Variants in TRAPPC9 observed in about 807,000 individuals in gnomAD.
TRAPPC9 encodes IKK2 binding protein.
A neutral mutation model predicts 124.0 loss-of-function variants in TRAPPC9; 83 were observed. The observed-to-expected ratio is 0.67, with a 90% CI of 0.56 to 0.80. The LOEUF (loss-of-function observed/expected upper bound fraction) is 0.80. Ranked by LOEUF, TRAPPC9 falls within the 30% of genes least tolerant of loss-of-function variation. The pLI is 0.00. For missense variants in TRAPPC9, 1,302 were observed against 1,508.3 expected (o/e 0.86, Z 2.27); for synonymous variants, 638 against 617.5 (o/e 1.03, Z -0.49).
chr8:140,360,120 C>T lies in TRAPPC9; in HGVS notation c.1425G>A (p.Gly475=), dbSNP rs1366500998. 1.9e-6 allele frequency: 3 copies of T among 1,614,078 alleles called. No individual in the cohort carries two copies. In the African/African-American group the frequency reaches 4.0e-5, roughly 22 times the overall value. The change falls in exon 9 of 23, where the codon GGG becomes GGA. Residue 475 remains glycine, a synonymous_variant. Transcript: ENST00000438773. ...GGTGTCTGACAGAGAGGGCAGGGTT[C>T]CCCATCCTTCGGGAGGCGTAGACCA... ...HELVYASRRM[G]NPALSVRHLS... is the part of the protein sequence containing the mutation.
intron 2 of TRAPPC9, among the ~76,000 whole-genome samples, chr8:140,439,587 G>A (rs1415768836): frequency 6.6e-6 from 1 of 152,144 alleles, no homozygotes; most frequent in Non-Finnish European, 1.5e-5. Context: ...TATAAAGACA[G>A]CTATGCTGAG....
intron 17 of TRAPPC9, among the ~76,000 whole-genome samples, chr8:140,185,084 T>C (rs917988362): frequency 6.6e-6 from 1 of 152,194 alleles, no homozygotes; most frequent in Admixed American, 6.5e-5. Context: ...TCCCACTATG[T>C]TCTCAGATTC....
intron 21 of TRAPPC9, among the ~76,000 whole-genome samples, chr8:139,848,823 A>G (rs1438236673): frequency 2.6e-5 from 4 of 151,666 alleles, no homozygotes; most frequent in Non-Finnish European, 1.5e-5. Context: ...TGCTTCGCCA[A>G]CTCTAGATGC....
chr8:140,016,459 C>G (rs7013574), intron 18 of TRAPPC9, among the ~76,000 whole-genome samples: 8 of 152,152 alleles, frequency 5.3e-5, no homozygotes, highest in Non-Finnish European at 8.8e-5. Context: ...CCCACGTTAC[C>G]TTAACCCAGA....
At chr8:140,202,127 G>A (rs999277726) in intron 17 of TRAPPC9, among the ~76,000 whole-genome samples, 34 of 151,086 alleles carry the variant, frequency 2.3e-4, no homozygotes, top group African/African-American at 7.3e-4. Context: ...AACACATTAC[G>A]GTTGTTTGGT....
intron 17 of TRAPPC9, among the ~76,000 whole-genome samples, chr8:140,059,193 G>A (rs951879869): frequency 5.3e-5 from 8 of 152,132 alleles, no homozygotes; most frequent in Non-Finnish European, 8.8e-5. Flanking sequence ...TATCTATCTA[G>A]AATTCATATA....
intron 17 of TRAPPC9, among the ~76,000 whole-genome samples, chr8:140,200,635 C>G (rs2062765978): frequency 6.6e-6 from 1 of 152,114 alleles, no homozygotes; most frequent in African/African-American, 2.4e-5. Context: ...TACAAAATAT[C>G]TGACCGGCAC....
At chr8:140,246,705 G>A (rs541551959) in intron 16 of TRAPPC9, among the ~76,000 whole-genome samples, 8 of 151,726 alleles carry the variant, frequency 5.3e-5, no homozygotes, top group African/African-American at 1.5e-4. Context: ...TTTTGGGGCC[G>A]GGCATGGTGG....
At chr8:140,441,928 G>A (rs2132644790) in intron 2 of TRAPPC9, among the ~76,000 whole-genome samples, 1 of 152,112 alleles carries the variant, frequency 6.6e-6, no homozygotes, top group East Asian at 1.9e-4. Context: ...CAGCTACTCA[G>A]GAGGCAGAGG....
chr8:139,950,829 C>T (rs772127621), intron 19 of TRAPPC9, among the ~76,000 whole-genome samples: 11 of 152,214 alleles, frequency 7.2e-5, no homozygotes, highest in Admixed American at 1.3e-4. Flanking sequence ...TGCACACCAA[C>T]CAGTAAGTGA....
At chr8:140,296,463 G>T (rs1403895840) in intron 11 of TRAPPC9, among the ~76,000 whole-genome samples, 1 of 152,104 alleles carries the variant, frequency 6.6e-6, no homozygotes, top group Non-Finnish European at 1.5e-5. Context: ...ATGGGGTTTT[G>T]CCATGTTGGC....
intron 9 of TRAPPC9, among the ~76,000 whole-genome samples, chr8:140,326,165 T>C (rs1165664890): frequency 6.8e-6 from 1 of 148,086 alleles, no homozygotes; most frequent in East Asian, 2.0e-4. Context: ...GGCGGGCGGA[T>C]CATGAGATCA....
At chr8:140,030,858 G>A (rs1337959899) in intron 17 of TRAPPC9, among the ~76,000 whole-genome samples, 2 of 152,196 alleles carry the variant, frequency 1.3e-5, no homozygotes, top group Non-Finnish European at 2.9e-5. Flanking sequence ...AGGCAGGAGA[G>A]GGTTAGCTGC....
intron 20 of TRAPPC9, among the ~76,000 whole-genome samples, chr8:139,892,021 C>T (rs1032550148): frequency 6.6e-6 from 1 of 152,234 alleles, no homozygotes; most frequent in African/African-American, 2.4e-5. Context: ...GCAACAATAC[C>T]AGGCCCCGAA....
At chr8:140,074,389 T>G (rs1360547411) in intron 17 of TRAPPC9, among the ~76,000 whole-genome samples, 1 of 152,204 alleles carries the variant, frequency 6.6e-6, no homozygotes, top group Non-Finnish European at 1.5e-5. Flanking sequence ...ACTTTGGGCT[T>G]CAGGGCAAGT....
intron 17 of TRAPPC9, among the ~76,000 whole-genome samples, chr8:140,081,390 G>A (rs1843811727): frequency 7.1e-6 from 1 of 141,428 alleles, no homozygotes; most frequent in Admixed American, 7.6e-5. Flanking sequence ...CTGTTGCCCA[G>A]GCTGGAGTGC....
At chr8:140,047,773 C>T (rs928064253) in intron 17 of TRAPPC9, among the ~76,000 whole-genome samples, 8 of 152,040 alleles carry the variant, frequency 5.3e-5, no homozygotes, top group African/African-American at 1.7e-4. Context: ...GACATGAGCC[C>T]GGGCTGGCTG....
rs553697311 is a variant in TRAPPC9, at chr8:140,364,178, C to T, written c.1352-3985G>A. 5.3e-5 allele frequency among the ~76,000 whole-genome samples: 8 copies of T among 151,030 alleles called. No individual in the cohort carries two copies. In the South Asian group the frequency reaches 1.5e-3, roughly 28 times the overall value. On this transcript the variant is annotated intron_variant, in intron 8 of 22. Transcript: ENST00000438773. ...ATGCAGTCTTAAATGTTACAGATAA[C>T]TGGCCCCGGGACAGGAAAAAAAGAA...
Position 139,907,664 on chromosome 8 carries a change from C to T in TRAPPC9, c.2964+2483G>A, listed in dbSNP as rs1159085672. ...AATCAAGCTCTCATAAACTTCCGAT[C>T]AGTAAATGTATGGGGCAGATGTGCT... is the stretch of plus-strand genomic sequence containing the variant. On this transcript the variant is annotated intron_variant, in intron 20 of 22. Transcript: ENST00000438773. This position sits in a 1 kb window ranked among gnomAD's most constrained non-coding sequence, Gnocchi z 4.7. 6.6e-6 allele frequency among the ~76,000 whole-genome samples: 1 copy of T among 152,106 alleles called. No individual in the cohort carries two copies. Among genetic ancestry groups the T allele is most frequent in the Non-Finnish European group, 1.5e-5 (1 of 68,026 alleles).
Sources: allele counts gnomAD v4.1 joint callset (sites outside exome capture counted in the v4.1 genomes callset), GRCh38; gene constraint gnomAD v4.1.1; non-coding constraint Gnocchi (gnomAD v3.1); transcripts MANE v1.5; gene names NCBI Gene and HGNC (gene_info 2026-07-23, HGNC 2026-07-21).